The following DUSP22 variants were observed in gnomAD, a reference collection of about 807,000 sequenced individuals.
The protein encoded by DUSP22 is dual specificity phosphatase 22.
A neutral mutation model predicts 24.5 loss-of-function variants in DUSP22; 24 were observed. The ratio of observed to expected loss-of-function variants is 0.98; its 90% CI spans 0.71 to 1.38. The LOEUF (loss-of-function observed/expected upper bound fraction) is 1.38, where lower values mean the gene tolerates loss of function less well. Among genes scored for constraint, DUSP22 ranks in the 40% most tolerant of loss-of-function variants. The pLI is 0.00. For missense variants in DUSP22, 330 were observed against 269.2 expected (o/e 1.23, Z -1.58); for synonymous variants, 160 against 106.4 (o/e 1.50, Z -3.10).
At chr6:335,063 ACT>A in intron 3 of DUSP22, 49 bp from the exon 4 acceptor site, 2 of 1,586,086 alleles carry the variant, frequency 1.3e-6, no homozygotes, top group Non-Finnish European at 1.7e-6. Flanking sequence ...ACTTTTCTCC[ACT>A]GAGTTTCATG....
Position 322,830 on chromosome 6 carries a change from TGGG to T in DUSP22, c.138+10870_138+10872del, listed in dbSNP as rs61690495. On this transcript the variant is annotated intron_variant, in intron 3 of 6. Coordinates refer to ENST00000419235, the MANE Select transcript of DUSP22 (RefSeq NM_001286555.3). ...GATTCCGTGGGTTATGGCTGCTTGG[TGGG>T]GCGGGGGGGGGCCTTCGAGTCTGCA... 1.1e-3 allele frequency among the ~76,000 whole-genome samples: 21 copies of T among 18,822 alleles called. No homozygotes were observed. The East Asian group carries it at 0.015, about 14-fold the overall frequency. The allele number at this position is 18,822 out of a possible 152,430, so 12.3% of individuals were successfully genotyped here.
chr6:332,865 G>A (rs1157313986), intron 3 of DUSP22, among the ~76,000 whole-genome samples: 1 of 152,306 alleles, frequency 6.6e-6, no homozygotes, highest in Non-Finnish European at 1.5e-5. Flanking sequence ...GGTCTCCAAG[G>A]AGCGTGGAGG....
At chr6:310,512 A>G (rs1235295331) in intron 2 of DUSP22, among the ~76,000 whole-genome samples, 1 of 152,306 alleles carries the variant, frequency 6.6e-6, no homozygotes, top group Non-Finnish European at 1.5e-5. Context: ...CTGATAGCTG[A>G]TAGACAGTTC....
At chr6:304,455 G>A (rs868059226) in intron 1 of DUSP22, among the ~76,000 whole-genome samples, 173 bp from the exon 2 acceptor site, 35 of 152,420 alleles carry the variant, frequency 2.3e-4, no homozygotes, top group African/African-American at 7.2e-4. Flanking sequence ...ACCAACCCAC[G>A]GCCTTCCACA....
At chr6:301,745 A>C (rs1757589843) in intron 1 of DUSP22, among the ~76,000 whole-genome samples, 1 of 152,294 alleles carries the variant, frequency 6.6e-6, no homozygotes, top group African/African-American at 2.4e-5. Context: ...TGACTGGGAG[A>C]AGGTGGCACC....
At chr6:315,631 T>C (rs538119843) in intron 3 of DUSP22, among the ~76,000 whole-genome samples, 3 of 152,428 alleles carry the variant, frequency 2.0e-5, no homozygotes, top group Admixed American at 1.3e-4. Context: ...TGCCATGCCA[T>C]CACCAGCACA....
chr6:328,270 T>G (rs1482361429), intron 3 of DUSP22, among the ~76,000 whole-genome samples: 3 of 152,304 alleles, frequency 2.0e-5, no homozygotes, highest in African/African-American at 7.2e-5. Flanking sequence ...GCAGCTGAAC[T>G]GAAAGCACCC....
intron 4 of DUSP22, among the ~76,000 whole-genome samples, chr6:344,203 C>T (rs999939191): frequency 6.7e-6 from 1 of 150,230 alleles, no homozygotes; most frequent in African/African-American, 2.5e-5. Context: ...GAATGAGTGA[C>T]AAGAGAAAAG....
At chr6:342,054 T>C (rs1488776512) in intron 4 of DUSP22, among the ~76,000 whole-genome samples, 1 of 152,308 alleles carries the variant, frequency 6.6e-6, no homozygotes, top group African/African-American at 2.4e-5. Context: ...CTCCAAGGTT[T>C]CAGTGAAGGG....
In DUSP22 at chr6:349,937, A is replaced by C. The variant is rs879701055; in HGVS notation, c.*986A>C. 2,335 of 984,876 alleles carry C rather than the reference A, an allele frequency of 2.4e-3. No individual in the cohort carries two copies. Among genetic ancestry groups the C allele is most frequent in the Non-Finnish European group, 2.7e-3 (2,265 of 829,170 alleles). The allele number at this position is 984,876 out of a possible 1,614,324, so 61.0% of individuals were successfully genotyped here. A position where few individuals can be genotyped will look rare whatever the true frequency, so the allele number is the denominator to read the frequency against. On this transcript the variant is annotated 3_prime_UTR_variant, in exon 7 of 7. Coordinates refer to ENST00000419235, the MANE Select transcript of DUSP22 (RefSeq NM_001286555.3). ...TCACTCCCAGCCTCTCGCTGTCCTC[A>C]CTTTGCAGGGGCTCCTCCTCAACAT...
At position 349,414 on chromosome 6, in the gene DUSP22, C is replaced by T. The variant is rs779855471; in HGVS notation, c.*463C>T. 9 of 1,019,964 alleles carry T rather than the reference C, an allele frequency of 8.8e-6. No homozygotes were observed. In the South Asian group the frequency reaches 2.7e-4, roughly 30 times the overall value. 63.2% of individuals were successfully genotyped at this position (1,019,964 alleles called of 1,614,324 possible). On this transcript the variant is annotated 3_prime_UTR_variant, in exon 7 of 7. Transcript: ENST00000419235. The stretch of plus-strand genomic sequence containing the variant: ...TGCCCGGGTTGGTGTGGCCACCTTT[C>T]CCTTTGTCCAAGACTCCACATGGAA...
rs201245101 is a variant in DUSP22, at chr6:341,978, C to T, written c.189-3876C>T. On this transcript the variant is annotated intron_variant, in intron 4 of 6. Transcript: ENST00000419235. ...TCAACCCCACAATATGTAAGAAGCC[C>T]GGTTTCATTGTGTCTGTGGTTGGGG... is the stretch of plus-strand genomic sequence containing the variant. Among the ~76,000 whole-genome samples, 1,311 of 151,658 alleles carry T rather than the reference C, an allele frequency of 8.6e-3. No individual in the cohort carries two copies. In the East Asian group the frequency reaches 0.12, roughly 14 times the overall value.
chr6:312,205 G>A (rs1387169225), intron 3 of DUSP22, among the ~76,000 whole-genome samples: 3 of 152,304 alleles, frequency 2.0e-5, no homozygotes, highest in Non-Finnish European at 2.9e-5. Context: ...GTGGCTAAAT[G>A]CCTAGGAATA....
intron 3 of DUSP22, among the ~76,000 whole-genome samples, chr6:330,845 A>T (rs931533964): frequency 5.9e-5 from 9 of 152,304 alleles, no homozygotes; most frequent in Admixed American, 2.0e-4. Flanking sequence ...GCCTCTTTGC[A>T]GCATCTTCCA....
intron 2 of DUSP22, among the ~76,000 whole-genome samples, chr6:309,969 TG>T (rs1757998261): frequency 2.0e-5 from 3 of 152,296 alleles, no homozygotes; most frequent in African/African-American, 7.2e-5. Flanking sequence ...GGTTTTGTTT[TG>T]TTTTGCTTGA....
intron 4 of DUSP22, among the ~76,000 whole-genome samples, chr6:343,891 G>A (rs1759733754): frequency 6.6e-6 from 1 of 152,306 alleles, no homozygotes; most frequent in African/African-American, 2.4e-5. Flanking sequence ...GTTTATCAGA[G>A]TCCCTGGCAA....
In DUSP22 at chr6:350,598, AG is replaced by A. The variant is rs1219184787; in HGVS notation, c.*1651del. ...ACAGGCCCCGGATGTACACCCGGAAAGGGGAGTGTGGCTGTAGAATCATCCA... is the reference window on the plus strand; with the variant it reads ...ACAGGCCCCGGATGTACACCCGGAAAGGGAGTGTGGCTGTAGAATCATCCA... On this transcript the variant is annotated 3_prime_UTR_variant, in exon 7 of 7. Transcript: ENST00000419235. The A allele has an allele frequency of 8.5e-5, 121 of 1,430,682 alleles. No individual in the cohort carries two copies. The highest frequency in any genetic ancestry group is 1.1e-4 in the Non-Finnish European group (116 of 1,096,248). The allele number at this position is 1,430,682 out of a possible 1,614,324, so 88.6% of individuals were successfully genotyped here. A position where few individuals can be genotyped will look rare whatever the true frequency, so the allele number is the denominator to read the frequency against.
At chr6:348,442 T>G (rs1759994757) in intron 6 of DUSP22, 168 bp downstream of exon 6, 1 of 1,166,426 alleles carries the variant, frequency 8.6e-7, no homozygotes. Flanking sequence ...TCACGATCCC[T>G]CGTGCACCTG....
rs1307169744 is a variant in DUSP22 at position 351,181 on chromosome 6, C to T, written c.*2230C>T. On this transcript the variant is annotated 3_prime_UTR_variant, in exon 7 of 7. Coordinates refer to ENST00000419235, the MANE Select transcript of DUSP22 (RefSeq NM_001286555.3). ...CGTGATTGCTTCCTGTGAACGCCTC[C>T]CAAGGACGAGCCCAGTGTAGTTGTG... is the stretch of plus-strand genomic sequence containing the variant. 20 of 438,282 alleles carry T rather than the reference C, an allele frequency of 4.6e-5. No homozygotes were observed. The highest frequency in any genetic ancestry group is 6.3e-4 in the Middle Eastern group (1 of 1,600). The allele number at this position is 438,282 out of a possible 1,614,324, so 27.1% of individuals were successfully genotyped here. A position where few individuals can be genotyped will look rare whatever the true frequency, so the allele number is the denominator to read the frequency against.
Sources: gnomAD v4.1 joint callset for allele counts (sites outside exome capture counted in the v4.1 genomes callset) on GRCh38, gnomAD v4.1.1 for gene constraint, MANE v1.5 for transcripts, NCBI Gene and HGNC (gene_info 2026-07-23, HGNC 2026-07-21) for gene names.